The following CBLB variants were observed in gnomAD, a reference collection of about 807,000 sequenced individuals.
The protein encoded by CBLB is E3 ubiquitin-protein ligase CBL-B.
In CBLB, 31 loss-of-function variants were observed where a neutral mutation model predicts 104.9. The ratio of observed to expected loss-of-function variants is 0.30; its 90% CI spans 0.22 to 0.40. The LOEUF is 0.40. Ranked by LOEUF, CBLB falls within the 10% of genes least tolerant of loss-of-function variation. The pLI is 1.00. For synonymous variants in CBLB, 440 were observed against 422.6 expected (o/e 1.04, Z -0.51); for missense variants, 1,062 against 1,214.6 (o/e 0.87, Z 1.87).
chr3:105,828,197 G>A (rs1333333071), intron 3 of CBLB, among the ~76,000 whole-genome samples: 2 of 152,058 alleles, frequency 1.3e-5, no homozygotes, highest in Admixed American at 6.5e-5. Context: ...TCCCTTTAAG[G>A]GCATGATCTA....
intron 4 of CBLB, among the ~76,000 whole-genome samples, chr3:105,775,679 T>C (rs895362573): frequency 6.6e-6 from 1 of 152,240 alleles, no homozygotes; most frequent in Admixed American, 6.5e-5. Flanking sequence ...TACTGAGACA[T>C]TTATGACAAA....
chr3:105,829,279 T>C (rs955870367), intron 3 of CBLB, among the ~76,000 whole-genome samples: 1 of 152,114 alleles, frequency 6.6e-6, no homozygotes, highest in Non-Finnish European at 1.5e-5. Context: ...AATACACAGG[T>C]AAAATAAACG....
intron 14 of CBLB, among the ~76,000 whole-genome samples, chr3:105,682,752 C>T (rs560306633): frequency 6.6e-6 from 1 of 152,134 alleles, no homozygotes; most frequent in Non-Finnish European, 1.5e-5. Context: ...ATCTGCCTAC[C>T]TCACCCTCCC....
chr3:105,736,565 T>A (rs1244615718), intron 8 of CBLB, among the ~76,000 whole-genome samples: 1 of 152,178 alleles, frequency 6.6e-6, no homozygotes, highest in African/African-American at 2.4e-5. Context: ...TTCTTAGTAT[T>A]TTGTAATTTT....
chr3:105,821,604 G>A (rs1191870364), intron 3 of CBLB, among the ~76,000 whole-genome samples: 1 of 152,170 alleles, frequency 6.6e-6, no homozygotes, highest in African/African-American at 2.4e-5. Context: ...AAGTGCCAGT[G>A]CCAAATGCGC....
At chr3:105,679,113 C>A (rs966472185) in intron 16 of CBLB, among the ~76,000 whole-genome samples, 1 of 151,874 alleles carries the variant, frequency 6.6e-6, no homozygotes, top group East Asian at 1.9e-4. Flanking sequence ...TCAAAATATA[C>A]ATAAAATGTA....
chr3:105,782,643 T>C (rs908075808), intron 3 of CBLB, among the ~76,000 whole-genome samples: 2 of 151,226 alleles, frequency 1.3e-5, no homozygotes, highest in African/African-American at 4.9e-5. Flanking sequence ...TGGAATGCAG[T>C]GGCCCTATTC....
chr3:105,779,944 C>T (rs2079974773), intron 3 of CBLB, among the ~76,000 whole-genome samples: 2 of 148,132 alleles, frequency 1.4e-5, no homozygotes, highest in Admixed American at 6.7e-5. Flanking sequence ...ACTTCTGCCT[C>T]CCGGGTTCAA....
rs764793023 is a variant in CBLB at position 105,733,996 on chromosome 3, C to T, written c.1203+13G>A. On this transcript the variant is annotated intron_variant, in intron 9 of 18. Coordinates refer to ENST00000394030, the MANE Select transcript of CBLB (RefSeq NM_170662.5). ...ACATATAAGAAAGACATCCATGTTG[C>T]TAATGATTATACCTGCCATGCCGTA... 3.1e-6 allele frequency: 5 copies of T among 1,612,698 alleles called. No individual in the cohort carries two copies. The highest frequency in any genetic ancestry group is 4.2e-6 in the Non-Finnish European group (5 of 1,178,730).
chr3:105,869,112 C>G (rs1457576090), upstream of CBLB: 4 of 913,612 alleles, frequency 4.4e-6, no homozygotes, highest in Non-Finnish European at 5.7e-6. Context: ...CCGCGCACTG[C>G]CCGACAGCGG....
chr3:105,786,062 G>GC (rs201236183), intron 3 of CBLB, among the ~76,000 whole-genome samples: 3,274 of 10,154 alleles, frequency 0.32, 165 homozygotes, highest in East Asian at 0.51. Context: ...TGAGAGGATC[G>GC]GGGGGGGGAA....
At chr3:105,747,894 A>G (rs985319595) in intron 5 of CBLB, among the ~76,000 whole-genome samples, 4 of 152,204 alleles carry the variant, frequency 2.6e-5, no homozygotes, top group Non-Finnish European at 5.9e-5. Flanking sequence ...TGGAGTTTTG[A>G]GCCAACTGCT....
chr3:105,700,486 A>C (rs1452837038), intron 12 of CBLB, among the ~76,000 whole-genome samples: 1 of 151,816 alleles, frequency 6.6e-6, no homozygotes, highest in African/African-American at 2.4e-5. Flanking sequence ...AAAAAAAAAA[A>C]CCTGAAAATT....
chr3:105,764,684 G>T (rs1256924141), intron 4 of CBLB, among the ~76,000 whole-genome samples: 1 of 152,158 alleles, frequency 6.6e-6, no homozygotes, highest in East Asian at 1.9e-4. Flanking sequence ...ACATGATTAA[G>T]TTTAGTGAGA....
chr3:105,780,653 G>GTTTTGTTT (rs1553788920), intron 3 of CBLB, among the ~76,000 whole-genome samples: 55 of 84,692 alleles, frequency 6.5e-4, no homozygotes, highest in African/African-American at 2.0e-3. Flanking sequence ...TAAAAGTTTT[G>GTTTTGTTT]TTTTTTGTTT....
intron 3 of CBLB, among the ~76,000 whole-genome samples, chr3:105,816,167 C>T (rs1231014035): frequency 6.6e-6 from 1 of 151,656 alleles, no homozygotes; most frequent in Non-Finnish European, 1.5e-5. Context: ...CAAACCTGCA[C>T]ATTCTGAACA....
chr3:105,785,730 G>C (rs1295368679), intron 3 of CBLB, among the ~76,000 whole-genome samples: 1 of 152,066 alleles, frequency 6.6e-6, no homozygotes, highest in African/African-American at 2.4e-5. Flanking sequence ...CTTATGTCGT[G>C]CAATACTAAC....
intron 3 of CBLB, among the ~76,000 whole-genome samples, chr3:105,802,754 G>GTGGA (rs1427596793): frequency 6.6e-6 from 1 of 152,142 alleles, no homozygotes; most frequent in East Asian, 1.9e-4. Context: ...ATAGTCATCA[G>GTGGA]TGGATTCAAC....
chr3:105,731,708 C>G (rs534286714), intron 9 of CBLB, among the ~76,000 whole-genome samples: 67 of 152,262 alleles, frequency 4.4e-4, no homozygotes, highest in African/African-American at 1.5e-3. Context: ...CTGTCTCAGC[C>G]TCCCAAAGTA....
Sources: allele counts gnomAD v4.1 joint callset (sites outside exome capture counted in the v4.1 genomes callset), GRCh38; gene constraint gnomAD v4.1.1; transcripts MANE v1.5; gene names NCBI Gene and HGNC (gene_info 2026-07-23, HGNC 2026-07-21).